Variants in ITPRID1 observed in about 807,000 individuals in gnomAD.
ITPRID1 encodes protein ITPRID1.
In ITPRID1, 96 loss-of-function variants were observed where a neutral mutation model predicts 95.4. That is an observed-to-expected ratio of 1.01 (90% CI 0.85 to 1.19). ITPRID1 has a LOEUF of 1.19. ITPRID1 is among the 50% of genes most tolerant of loss of function. The pLI, the probability that ITPRID1 is intolerant of heterozygous loss-of-function variation, is 0.00. For synonymous variants in ITPRID1, 510 were observed against 453.6 expected, an observed-to-expected ratio of 1.12 and a Z score of -1.58; for missense variants, 1,339 against 1,252.9, an observed-to-expected ratio of 1.07 and a Z score of -1.04.
chr7:31,642,106 G>A (rs1261216189), intron 10 of ITPRID1, 70 bp from the exon 11 acceptor site: 4 of 1,063,860 alleles, frequency 3.8e-6, no homozygotes, highest in Non-Finnish European at 5.6e-6. Flanking sequence ...GGCACCTAGA[G>A]GGGTTGATCC....
intron 10 of ITPRID1, among the ~76,000 whole-genome samples, chr7:31,619,295 A>C (rs1055466624): frequency 6.6e-6 from 1 of 152,218 alleles, no homozygotes; most frequent in Non-Finnish European, 1.5e-5. Context: ...ATATGAGAAA[A>C]GAAAGGTCCA....
chr7:31,521,934 G>C (rs1783277258), intron 1 of ITPRID1, among the ~76,000 whole-genome samples: 1 of 137,640 alleles, frequency 7.3e-6, no homozygotes, highest in South Asian at 2.3e-4. Context: ...TTTTGGTAGA[G>C]ACAGGGTCTT....
intron 10 of ITPRID1, among the ~76,000 whole-genome samples, chr7:31,631,950 G>A (rs868692900): frequency 6.6e-6 from 1 of 152,096 alleles, no homozygotes; most frequent in Non-Finnish European, 1.5e-5. Context: ...TGATGACGCC[G>A]GCCGACCAGT....
At chr7:31,619,263 T>G (rs1787569183) in intron 10 of ITPRID1, among the ~76,000 whole-genome samples, 1 of 152,172 alleles carries the variant, frequency 6.6e-6, no homozygotes, top group Non-Finnish European at 1.5e-5. Flanking sequence ...ACTAGATTTC[T>G]GGGTAAACTC....
intron 1 of ITPRID1, among the ~76,000 whole-genome samples, chr7:31,540,498 T>C (rs1475179807): frequency 6.6e-6 from 1 of 152,124 alleles, no homozygotes; most frequent in Non-Finnish European, 1.5e-5. Flanking sequence ...TAACAACAGG[T>C]GTGCTATAGT....
intron 9 of ITPRID1, among the ~76,000 whole-genome samples, chr7:31,579,979 C>A (rs746468303): frequency 6.6e-6 from 1 of 152,010 alleles, no homozygotes; most frequent in South Asian, 2.1e-4. Flanking sequence ...ATTTAATTAC[C>A]AAGCCAATAG....
intron 1 of ITPRID1, among the ~76,000 whole-genome samples, chr7:31,538,640 A>T (rs1284018292): frequency 6.6e-6 from 1 of 152,232 alleles, no homozygotes; most frequent in Non-Finnish European, 1.5e-5. Context: ...ATTTGGATTT[A>T]TTAGATATTT....
At chr7:31,572,955 T>C (rs1279550087) in intron 7 of ITPRID1, among the ~76,000 whole-genome samples, 1 of 152,202 alleles carries the variant, frequency 6.6e-6, no homozygotes, top group Non-Finnish European at 1.5e-5. Context: ...ATTTGTACAG[T>C]GAAGTCACTA....
At position 31,554,883 on chromosome 7, in the gene ITPRID1, C is replaced by T; in HGVS notation, c.238C>T (p.Gln80Ter). Reference sequence around the variant, plus strand: ...TGTCTCTGCAAATGAAAACTTTCAACAAGTCATTGACCGCACTGGTAAGAC... The same window carrying T: ...TGTCTCTGCAAATGAAAACTTTCAATAAGTCATTGACCGCACTGGTAAGAC... ...FFVSANENFQ[Q>*]VIDRTVSLYE... Residue 80 changes from glutamine to a stop codon, truncating the protein, a stop_gained, in exon 5 of 15, where the codon CAA (glutamine) becomes TAA (stop). Coordinates refer to ENST00000615280, the MANE Select transcript of ITPRID1 (RefSeq NM_001257967.3). LOFTEE classifies it high-confidence loss of function. 6.3e-7 allele frequency: 1 copy of T among 1,582,964 alleles called. No homozygotes were observed. Among genetic ancestry groups the T allele is most frequent in the Non-Finnish European group, 8.6e-7 (1 of 1,162,358 alleles).
chr7:31,583,432 C>A (rs1785478389), intron 10 of ITPRID1, among the ~76,000 whole-genome samples: 1 of 152,052 alleles, frequency 6.6e-6, no homozygotes, highest in South Asian at 2.1e-4. Context: ...TCAAGACCAG[C>A]CTGGCCAACC....
intron 10 of ITPRID1, among the ~76,000 whole-genome samples, chr7:31,615,752 C>CTTTTTT (rs11324820): frequency 2.9e-4 from 42 of 143,444 alleles, no homozygotes; most frequent in African/African-American, 1.1e-3. Flanking sequence ...ACTGAGAATT[C>CTTTTTT]TTTTTTTTTT....
intron 10 of ITPRID1, among the ~76,000 whole-genome samples, chr7:31,634,422 C>A (rs1043732227): frequency 2.0e-5 from 3 of 151,980 alleles, no homozygotes; most frequent in Non-Finnish European, 4.4e-5. Context: ...GGATATTATC[C>A]TTATTGCAAC....
In ITPRID1 at chr7:31,642,688, T is replaced by C; in HGVS notation, c.1318T>C (p.Ser440Pro). ...GTCCTGGTTTCCCCTACAGATGCCTTCCTTGCCAAACAGCCAGAGTCCTGC... is the reference window on the plus strand; with the variant it reads ...GTCCTGGTTTCCCCTACAGATGCCTCCCTTGCCAAACAGCCAGAGTCCTGC... The part of the protein sequence containing the change: ...PLEPLPLQMP[S>P]LPNSQSPAEN... Residue 440 changes from serine (S) to proline (P), a missense_variant, in exon 12 of 15, where the codon TCC (serine) becomes CCC (proline). Ser to Pro is a moderately conservative substitution (Grantham distance 74, BLOSUM62 -1). Transcript: ENST00000615280. 3 of 1,613,240 alleles carry C rather than the reference T, an allele frequency of 1.9e-6. No homozygotes were observed. The highest frequency in any genetic ancestry group is 2.5e-6 in the Non-Finnish European group (3 of 1,179,428).
chr7:31,572,437 A>G (rs1260657883), intron 7 of ITPRID1, among the ~76,000 whole-genome samples: 2 of 152,110 alleles, frequency 1.3e-5, no homozygotes, highest in Non-Finnish European at 2.9e-5. Context: ...AATTCCATAT[A>G]GTGATAAAAA....
chr7:31,582,618 A>G (rs1785444847), intron 9 of ITPRID1, among the ~76,000 whole-genome samples: 2 of 152,276 alleles, frequency 1.3e-5, no homozygotes, highest in South Asian at 2.1e-4. Flanking sequence ...TTTAGAAGTA[A>G]TATGCATTAT....
intron 10 of ITPRID1, among the ~76,000 whole-genome samples, chr7:31,623,740 T>C (rs1788158825): frequency 6.7e-6 from 1 of 148,576 alleles, no homozygotes; most frequent in Non-Finnish European, 1.5e-5. Flanking sequence ...TCACCACGCC[T>C]ATTCAACATA....
At chr7:31,642,298 A>G in intron 11 of ITPRID1, 40 bp downstream of exon 11, 1 of 1,346,428 alleles carries the variant, frequency 7.4e-7, no homozygotes, top group Admixed American at 2.2e-5. Flanking sequence ...CTCATCCCTA[A>G]CATCCCACTT....
Position 31,574,524 on chromosome 7 carries a change from A to C in ITPRID1, c.396-16A>C. 6.2e-7 allele frequency: 1 copy of C among 1,609,582 alleles called. No individual in the cohort carries two copies. The highest frequency in any genetic ancestry group is 8.5e-7 in the Non-Finnish European group (1 of 1,176,136). ...TAACTGTTTCTGGATAAAGATATTC[A>C]TATTTTTTACCACAGCATTCCTGAA... On this transcript the variant is annotated splice_polypyrimidine_tract_variant and intron_variant, in intron 7 of 14. Transcript: ENST00000615280.
chr7:31,615,884 C>T (rs1583580323), intron 10 of ITPRID1, among the ~76,000 whole-genome samples: 1 of 151,686 alleles, frequency 6.6e-6, no homozygotes, highest in Middle Eastern at 3.4e-3. Context: ...CTCCCGAGTA[C>T]CTGGGACTAC....
Sources: gnomAD v4.1 joint callset for allele counts (sites outside exome capture counted in the v4.1 genomes callset) on GRCh38, gnomAD v4.1.1 for gene constraint, MANE v1.5 for transcripts, NCBI Gene and HGNC (gene_info 2026-07-23, HGNC 2026-07-21) for gene names.